The following CHL1 variants were observed in gnomAD, a reference collection of about 807,000 sequenced individuals.
The protein encoded by CHL1 is neural cell adhesion molecule L1-like protein.
In CHL1, 96 loss-of-function variants were observed where a neutral mutation model predicts 141.9. The observed-to-expected ratio is 0.68, with a 90% confidence interval of 0.57 to 0.80. CHL1 has a LOEUF of 0.80. CHL1 is among the 30% of genes least tolerant of loss of function. The pLI is 0.00. For missense variants in CHL1, 1,820 were observed against 1,457.2 expected (o/e 1.25, Z -4.05); for synonymous variants, 613 against 502.2 (o/e 1.22, Z -2.95).
intron 1 of CHL1, among the ~76,000 whole-genome samples, chr3:239,807 C>T (rs1247088470): frequency 6.6e-6 from 1 of 151,954 alleles, no homozygotes; most frequent in Non-Finnish European, 1.5e-5. Flanking sequence ...TTTGCATCCT[C>T]ATAGCTTAGC....
At chr3:328,525 A>T (rs548708224) in intron 5 of CHL1, 171 bp downstream of exon 5, 6 of 492,216 alleles carry the variant, frequency 1.2e-5, no homozygotes, top group African/African-American at 9.9e-5. Context: ...TTAAAATCGG[A>T]TGACCTTAGA....
chr3:373,410 A>G (rs1275347235), intron 15 of CHL1, among the ~76,000 whole-genome samples: 5 of 152,250 alleles, frequency 3.3e-5, no homozygotes. Flanking sequence ...TGATTCTGCC[A>G]CAGTGGGTGT....
At chr3:384,020 G>A in intron 19 of CHL1, 134 bp downstream of exon 19, 2 of 555,338 alleles carry the variant, frequency 3.6e-6, no homozygotes, top group South Asian at 3.0e-5. Context: ...TAACTTGTGA[G>A]TCATCATCAC....
intron 1 of CHL1, among the ~76,000 whole-genome samples, chr3:240,341 T>A (rs746725905): frequency 1.3e-5 from 2 of 152,244 alleles, no homozygotes; most frequent in Non-Finnish European, 2.9e-5. Flanking sequence ...ATTTCCCTGA[T>A]CATTAGTGAT....
At chr3:361,235 G>GACTT (rs1387893525) in intron 12 of CHL1, among the ~76,000 whole-genome samples, 2 of 150,562 alleles carry the variant, frequency 1.3e-5, no homozygotes, top group African/African-American at 2.4e-5. Context: ...ATGGATTAAA[G>GACTT]ACTTAAACGT....
chr3:246,429 C>T (rs1162795131), intron 2 of CHL1: 2 of 151,928 alleles, frequency 1.3e-5, no homozygotes, highest in African/African-American at 4.8e-5. Context: ...AAATAAGTTC[C>T]CTTACCGTCA....
At position 389,397 on chromosome 3, in the gene CHL1, A is replaced by T. The variant is rs1385545372; in HGVS notation, c.2393A>T (p.Asp798Val). 3.7e-6 allele frequency: 6 copies of T among 1,614,090 alleles called. No homozygotes were observed. In the African/African-American group the frequency reaches 8.0e-5, roughly 22 times the overall value. The change falls in exon 20 of 28, where the codon GAT (aspartate) becomes GTT (valine). Residue 798 changes from aspartate (D) to valine (V), a missense_variant. By Grantham distance (152) the Asp-to-Val change is radical (BLOSUM62 -3). Transcript: ENST00000256509. ...ACGCCTGCTGTCTATGCCCCTTATG[A>T]TGTCAAGGTCCAGGCTATCAATCAA... ...VMTPAVYAPYDVKVQAINQLG... is the reference protein window; with the variant it reads ...VMTPAVYAPYVVKVQAINQLG...
At position 399,075 on chromosome 3, in the gene CHL1, T is replaced by C; in HGVS notation, c.3312T>C (p.Cys1104=). ...STQGWFIGLM[C]AIALLTLLLL... ...AAGGCTGGTTTATTGGACTGATGTG[T>C]GCGATTGCTCTTCTCACACTACTAT... The change falls in exon 26 of 28, where the codon TGT becomes TGC. Residue 1104 remains cysteine (C), a synonymous_variant. Transcript: ENST00000256509. 1 of 1,609,004 alleles carries C rather than the reference T, an allele frequency of 6.2e-7. No homozygotes were observed. The highest frequency in any genetic ancestry group is 8.5e-7 in the Non-Finnish European group (1 of 1,175,348).
chr3:391,927 C>T (rs930779647), intron 23 of CHL1, 130 bp downstream of exon 23: 2 of 694,784 alleles, frequency 2.9e-6, no homozygotes, highest in Admixed American at 3.7e-5. Context: ...TTCCTTGTAG[C>T]CCAGGGGTCT....
intron 3 of CHL1, among the ~76,000 whole-genome samples, chr3:323,976 A>T (rs903378665): frequency 5.3e-5 from 8 of 152,116 alleles, no homozygotes; most frequent in African/African-American, 1.9e-4. Flanking sequence ...TTAACATTGA[A>T]TTATTTTAAA....
intron 2 of CHL1, among the ~76,000 whole-genome samples, chr3:258,299 C>T (rs924148081): frequency 4.3e-4 from 66 of 152,282 alleles, no homozygotes; most frequent in African/African-American, 1.5e-3. Flanking sequence ...TAGGTTGTTT[C>T]AGGCAACAAG....
intron 2 of CHL1, among the ~76,000 whole-genome samples, chr3:270,125 T>C (rs1443746000): frequency 1.3e-5 from 2 of 151,902 alleles, no homozygotes; most frequent in Admixed American, 1.3e-4. Context: ...TGGCCAGAAA[T>C]GGGGGGAAGG....
chr3:328,161 T>G lies in CHL1; in HGVS notation c.198-6T>G. On this transcript the variant is annotated splice_polypyrimidine_tract_variant and splice_region_variant and intron_variant, in intron 4 of 27. Coordinates refer to ENST00000256509, the MANE Select transcript of CHL1 (RefSeq NM_006614.4). ...CAGGATTATTAAGTTCAGTTTTATG[T>G]TTTAGATTTTCGTGGACTAAGGATG... 1 of 1,600,340 alleles carries G rather than the reference T, an allele frequency of 6.2e-7. No homozygotes were observed. Among genetic ancestry groups the G allele is most frequent in the Non-Finnish European group, 8.5e-7 (1 of 1,172,114 alleles).
intron 26 of CHL1, among the ~76,000 whole-genome samples, chr3:400,323 A>G (rs1487607157): frequency 6.6e-6 from 1 of 152,222 alleles, no homozygotes; most frequent in African/African-American, 2.4e-5. Flanking sequence ...AGACTGAATG[A>G]TTATGAATTA....
chr3:398,193 C>A, intron 24 of CHL1, 34 bp from the exon 25 acceptor site: 1 of 1,420,742 alleles, frequency 7.0e-7, no homozygotes, highest in Non-Finnish European at 9.5e-7. Context: ...TCCATGATTA[C>A]AATTCACATG....
chr3:336,865 G>C (rs1405765911), intron 5 of CHL1, among the ~76,000 whole-genome samples: 3 of 152,314 alleles, frequency 2.0e-5, no homozygotes, highest in East Asian at 3.9e-4. Flanking sequence ...GTTGTGCCTT[G>C]ATAGTTGTGG....
intron 9 of CHL1, 75 bp downstream of exon 9, chr3:344,784 C>T (rs1206291474): frequency 7.4e-7 from 1 of 1,355,330 alleles, no homozygotes; most frequent in South Asian, 1.4e-5. Context: ...CACATTAAGA[C>T]TGTGCTTGCA....
At chr3:281,926 T>C (rs1696696470) in intron 2 of CHL1, among the ~76,000 whole-genome samples, 1 of 152,240 alleles carries the variant, frequency 6.6e-6, no homozygotes, top group Non-Finnish European at 1.5e-5. Context: ...TTATCTCTTC[T>C]AGATACGACA....
intron 2 of CHL1, among the ~76,000 whole-genome samples, chr3:304,741 T>C (rs1699078454): frequency 6.6e-6 from 1 of 152,214 alleles, no homozygotes; most frequent in Non-Finnish European, 1.5e-5. Flanking sequence ...TCTATCTCCT[T>C]CAGTTCTGCT....
Sources: gnomAD v4.1 joint callset for allele counts (sites outside exome capture counted in the v4.1 genomes callset) on GRCh38, gnomAD v4.1.1 for gene constraint, MANE v1.5 for transcripts, NCBI Gene and HGNC (gene_info 2026-07-23, HGNC 2026-07-21) for gene names.